The following EIF2S2 variants were observed in gnomAD, a reference collection of about 807,000 sequenced individuals.
The protein encoded by EIF2S2 is eukaryotic translation initiation factor 2 subunit beta, also known as eukaryotic translation initiation factor 2 subunit 2.
A neutral mutation model predicts 44.0 loss-of-function variants in EIF2S2; 4 were observed. The observed-to-expected ratio is 0.09, with a 90% CI of 0.04 to 0.21. The LOEUF is 0.21. EIF2S2 is among the 10% of genes least tolerant of loss of function. The pLI is 1.00. For missense variants in EIF2S2, 154 were observed against 392.0 expected, an observed-to-expected ratio of 0.39 and a Z score of 5.13; for synonymous variants, 108 against 128.3, an observed-to-expected ratio of 0.84 and a Z score of 1.07.
chr20:34,095,142 T>C (rs2034211702), intron 6 of EIF2S2, among the ~76,000 whole-genome samples: 1 of 152,230 alleles, frequency 6.6e-6, no homozygotes, highest in Non-Finnish European at 1.5e-5. Context: ...TGTTAAAATA[T>C]GTTGTGTAGC....
At chr20:34,092,964 C>A (rs375125977) in intron 7 of EIF2S2, among the ~76,000 whole-genome samples, 1 of 152,100 alleles carries the variant, frequency 6.6e-6, no homozygotes, top group Non-Finnish European at 1.5e-5. Context: ...TGTTTCCGAA[C>A]GTGAAGATAG....
intron 3 of EIF2S2, among the ~76,000 whole-genome samples, chr20:34,103,108 A>G (rs908701354): frequency 6.6e-6 from 1 of 152,200 alleles, no homozygotes; most frequent in African/African-American, 2.4e-5. Flanking sequence ...TATATATTCA[A>G]TATGTTACCA....
intron 4 of EIF2S2, 98 bp downstream of exon 4, chr20:34,098,400 A>C (rs1568715018): frequency 1.4e-6 from 2 of 1,419,630 alleles, no homozygotes; most frequent in Non-Finnish European, 1.9e-6. Context: ...AATAAGGGGC[A>C]AGAAAAAAAT....
chr20:34,095,575 G>T (rs866369140), intron 6 of EIF2S2, among the ~76,000 whole-genome samples: 1 of 152,206 alleles, frequency 6.6e-6, no homozygotes, highest in South Asian at 2.1e-4. Context: ...GCCTCCCAAA[G>T]TGGTGGGATT....
chr20:34,100,207 G>T (rs778081515), intron 3 of EIF2S2, among the ~76,000 whole-genome samples: 1 of 152,116 alleles, frequency 6.6e-6, no homozygotes, highest in African/African-American at 2.4e-5. Context: ...TAGAAACGGG[G>T]TTTTACCATA....
At chr20:34,097,021 T>C (rs1427590318) in intron 5 of EIF2S2, among the ~76,000 whole-genome samples, 1 of 152,200 alleles carries the variant, frequency 6.6e-6, no homozygotes, top group African/African-American at 2.4e-5. Flanking sequence ...CAAAGTGAAA[T>C]GAATGAACAA....
In EIF2S2 at chr20:34,088,410, A is replaced by C. The variant is rs41290890; in HGVS notation, c.*1320T>G. The C allele has an allele frequency of 5.9e-5, 9 of 152,832 alleles. No individual in the cohort carries two copies. The highest frequency in any genetic ancestry group is 1.3e-4 in the Non-Finnish European group (9 of 68,064). 9.5% of individuals were successfully genotyped at this position (152,832 alleles called of 1,614,324 possible). On this transcript the variant is annotated 3_prime_UTR_variant, in exon 9 of 9. Transcript: ENST00000374980. ...AAAAAAGGAAAATGGGGGCATAAAC[A>C]GCAGTTGGGTTCATCGTGGCAGTTG...
chr20:34,097,398 C>A lies in EIF2S2; in HGVS notation c.534+18G>T. 2 of 1,603,500 alleles carry A rather than the reference C, an allele frequency of 1.2e-6. No homozygotes were observed. Among genetic ancestry groups the A allele is most frequent in the Non-Finnish European group, 1.7e-6 (2 of 1,173,034 alleles). ...TAGTGAATAGCTTAGCCCCTTTTCA[C>A]AACAGATTTTGTCTTACCTCCTCGT... On this transcript the variant is annotated intron_variant, in intron 5 of 8. Transcript: ENST00000374980.
chr20:34,096,522 G>GGT, intron 6 of EIF2S2, 135 bp downstream of exon 6: 1 of 829,028 alleles, frequency 1.2e-6, no homozygotes, highest in South Asian at 1.9e-5. Flanking sequence ...AGGCTTGAAC[G>GGT]GTGAACTCCC....
In EIF2S2 at chr20:34,088,786, G is replaced by C. The variant is rs534133749; in HGVS notation, c.*944C>G. 6.6e-6 allele frequency: 1 copy of C among 152,150 alleles called. No individual in the cohort carries two copies. Among genetic ancestry groups the C allele is most frequent in the Non-Finnish European group, 1.5e-5 (1 of 68,022 alleles). 9.4% of individuals were successfully genotyped at this position (152,150 alleles called of 1,614,324 possible). A position where few individuals can be genotyped will look rare whatever the true frequency, so the allele number is the denominator to read the frequency against. The stretch of plus-strand genomic sequence containing the variant: ...GAGCACCACACAAGCAGCATTTCTT[G>C]GTTTCTCATGGTCATATTCAAAAGC... On this transcript the variant is annotated 3_prime_UTR_variant, in exon 9 of 9. Coordinates refer to ENST00000374980, the MANE Select transcript of EIF2S2 (RefSeq NM_003908.5).
At chr20:34,097,256 G>A (rs2034239604) in intron 5 of EIF2S2, among the ~76,000 whole-genome samples, 160 bp downstream of exon 5, 1 of 152,318 alleles carries the variant, frequency 6.6e-6, no homozygotes, top group East Asian at 1.9e-4. Flanking sequence ...GCTGCCCCAC[G>A]GGTGCGCACC....
intron 3 of EIF2S2, among the ~76,000 whole-genome samples, chr20:34,100,383 G>C (rs1371769956): frequency 6.6e-6 from 1 of 152,154 alleles, no homozygotes. Flanking sequence ...GGAGGTGGCA[G>C]GGGGACCACT....
intron 1 of EIF2S2, among the ~76,000 whole-genome samples, chr20:34,111,840 C>G (rs1287795589): frequency 6.6e-6 from 1 of 152,244 alleles, no homozygotes; most frequent in East Asian, 1.9e-4. Flanking sequence ...GAGGACGACT[C>G]AACGTGTGCT....
intron 7 of EIF2S2, 65 bp from the exon 8 acceptor site, chr20:34,090,667 A>C: frequency 1.1e-6 from 1 of 910,704 alleles, no homozygotes. Context: ...AAATTCCAGC[A>C]CCTTTAAACT....
At chr20:34,096,594 C>A in intron 6 of EIF2S2, 63 bp downstream of exon 6, 1 of 1,484,010 alleles carries the variant, frequency 6.7e-7, no homozygotes, top group Non-Finnish European at 9.1e-7. Context: ...GGACATTTAA[C>A]ATTCTTAAAA....
At chr20:34,101,553 A>G (rs751863128) in intron 3 of EIF2S2, among the ~76,000 whole-genome samples, 8 of 152,224 alleles carry the variant, frequency 5.3e-5, no homozygotes, top group Non-Finnish European at 1.0e-4. Context: ...AATGCTGAAT[A>G]TAAGTTAGCA....
intron 3 of EIF2S2, among the ~76,000 whole-genome samples, chr20:34,102,270 C>T (rs1403800720): frequency 6.6e-6 from 1 of 152,164 alleles, no homozygotes; most frequent in African/African-American, 2.4e-5. Flanking sequence ...ATTTAAATCC[C>T]ATTTCTGATT....
intron 3 of EIF2S2, among the ~76,000 whole-genome samples, chr20:34,102,949 G>A (rs1485974567): frequency 1.3e-5 from 2 of 152,100 alleles, no homozygotes; most frequent in African/African-American, 4.8e-5. Context: ...TCAGTAATAA[G>A]ACTCACAGGG....
Position 34,112,194 on chromosome 20 carries a change from T to A in EIF2S2, c.-84A>T, listed in dbSNP as rs945260246. The A allele has an allele frequency of 8.2e-5, 116 of 1,421,374 alleles. No individual in the cohort carries two copies. The highest frequency in any genetic ancestry group is 1.6e-4 in the Admixed American group (7 of 42,602). The allele number at this position is 1,421,374 out of a possible 1,614,324, so 88.0% of individuals were successfully genotyped here. On this transcript the variant is annotated 5_prime_UTR_variant, in exon 1 of 9. Transcript: ENST00000374980. ...CCGGCGGCAGCGCTGCCCCTGCCGA[T>A]ACCTCTCCCACCACCGCACTAGGCT...
Sources: allele counts gnomAD v4.1 joint callset (sites outside exome capture counted in the v4.1 genomes callset), GRCh38; gene constraint gnomAD v4.1.1; transcripts MANE v1.5; gene names NCBI Gene and HGNC (gene_info 2026-07-23, HGNC 2026-07-21).